The following THSD7B variants were observed in gnomAD, a reference collection of about 807,000 sequenced individuals.
THSD7B encodes thrombospondin type-1 domain-containing protein 7B.
THSD7B carries 138 observed loss-of-function variants against 213.6 expected under a neutral mutation model. That is an observed-to-expected ratio of 0.65 (90% CI 0.56 to 0.74). The LOEUF (loss-of-function observed/expected upper bound fraction) is 0.74, where lower values mean the gene tolerates loss of function less well. Ranked by LOEUF, THSD7B falls within the 30% of genes least tolerant of loss-of-function variation. THSD7B has a pLI of 0.00. For missense variants in THSD7B, 1,931 were observed against 1,991.5 expected, an observed-to-expected ratio of 0.97 and a Z score of 0.58; for synonymous variants, 742 against 687.0, an observed-to-expected ratio of 1.08 and a Z score of -1.25.
chr2:136,855,093 T>C (rs1683156483), intron 1 of THSD7B, among the ~76,000 whole-genome samples: 1 of 152,224 alleles, frequency 6.6e-6, no homozygotes, highest in South Asian at 2.1e-4. Context: ...GTCATGGAAC[T>C]GAGAATGCTT....
At chr2:137,366,300 T>C (rs1685406177) in intron 12 of THSD7B, among the ~76,000 whole-genome samples, 1 of 152,030 alleles carries the variant, frequency 6.6e-6, no homozygotes, top group African/African-American at 2.4e-5. Flanking sequence ...AAATAATGAG[T>C]TAATGGCTGC....
intron 1 of THSD7B, among the ~76,000 whole-genome samples, chr2:136,791,715 T>C (rs780101756): frequency 6.6e-6 from 1 of 152,112 alleles, no homozygotes; most frequent in Non-Finnish European, 1.5e-5. Context: ...TTCATGAATA[T>C]GTACCAGTAT....
chr2:137,274,109 G>A (rs1292714102), intron 11 of THSD7B, among the ~76,000 whole-genome samples: 1 of 151,946 alleles, frequency 6.6e-6, no homozygotes, highest in Non-Finnish European at 1.5e-5. Flanking sequence ...TGTATGAATT[G>A]GATCATTGTG....
intron 7 of THSD7B, among the ~76,000 whole-genome samples, chr2:137,200,247 A>G (rs1047431927): frequency 6.6e-6 from 1 of 152,072 alleles, no homozygotes; most frequent in African/African-American, 2.4e-5. Context: ...TCCCACCTCA[A>G]TTTGAGTATG....
intron 1 of THSD7B, among the ~76,000 whole-genome samples, chr2:136,796,517 C>T (rs1290677014): frequency 1.3e-5 from 2 of 151,914 alleles, no homozygotes; most frequent in Non-Finnish European, 2.9e-5. Context: ...CCACTTAAAA[C>T]CTTTTCAGAG....
At chr2:137,572,341 A>T (rs1681371533) in intron 16 of THSD7B, 65 bp from the exon 17 acceptor site, 1 of 1,562,486 alleles carries the variant, frequency 6.4e-7, no homozygotes, top group Non-Finnish European at 8.7e-7. Context: ...GATACATCAT[A>T]ACTATTTTAA....
At chr2:136,849,792 A>G (rs17663946) in intron 1 of THSD7B, among the ~76,000 whole-genome samples, 2,747 of 152,296 alleles carry the variant, frequency 0.018, 50 homozygotes, top group South Asian at 0.039. Context: ...TATTTTTGTT[A>G]CAGAATATTA....
chr2:137,554,201 G>C (rs1680905377), intron 15 of THSD7B, among the ~76,000 whole-genome samples: 1 of 152,086 alleles, frequency 6.6e-6, no homozygotes, highest in Admixed American at 6.5e-5. Flanking sequence ...GAGTGGGACT[G>C]TTTTCTCTAG....
rs141073860 is a variant in THSD7B at position 137,245,448 on chromosome 2, G to A, written c.2266+2876G>A. On this transcript the variant is annotated intron_variant, in intron 10 of 27. Coordinates refer to ENST00000409968, the MANE Select transcript of THSD7B (RefSeq NM_001316349.2). ...TGAGGTTGGCACTCCATTCTCTTCAGCTGCCCCTCCTTCCCGGGTCCTCAG... is the reference window on the plus strand; with the variant it reads ...TGAGGTTGGCACTCCATTCTCTTCAACTGCCCCTCCTTCCCGGGTCCTCAG... Among the ~76,000 whole-genome samples the A allele has an allele frequency of 3.1e-3, 466 of 152,230 alleles. 1 individual carries two copies. Among genetic ancestry groups the A allele is most frequent in the South Asian group, 5.6e-3 (27 of 4,814 alleles).
intron 17 of THSD7B, among the ~76,000 whole-genome samples, chr2:137,586,013 G>C (rs1359307042): frequency 6.7e-6 from 1 of 148,326 alleles, no homozygotes; most frequent in African/African-American, 2.5e-5. Context: ...TATGAATCTG[G>C]GTGCTCCTGT....
At chr2:137,625,505 T>G (rs1201690456) in intron 20 of THSD7B, among the ~76,000 whole-genome samples, 1 of 151,022 alleles carries the variant, frequency 6.6e-6, no homozygotes, top group African/African-American at 2.4e-5. Context: ...TAGGCCTGAA[T>G]AAATAAATGA....
At chr2:137,392,570 C>T (rs1349923206) in intron 12 of THSD7B, among the ~76,000 whole-genome samples, 1 of 151,936 alleles carries the variant, frequency 6.6e-6, no homozygotes, top group Admixed American at 6.6e-5. Context: ...CTACTCTGCT[C>T]CCTTCTGGTT....
At chr2:137,637,604 T>C (rs889595156) in intron 20 of THSD7B, among the ~76,000 whole-genome samples, 2 of 152,352 alleles carry the variant, frequency 1.3e-5, no homozygotes, top group South Asian at 4.1e-4. Flanking sequence ...AGAAACCATA[T>C]GGCTGTGCTT....
At chr2:137,090,033 A>T (rs975655291) in intron 3 of THSD7B, among the ~76,000 whole-genome samples, 1 of 151,910 alleles carries the variant, frequency 6.6e-6, no homozygotes, top group Non-Finnish European at 1.5e-5. Flanking sequence ...AGAAAAAAGA[A>T]AAAAGAACTT....
chr2:137,672,101 G>A (rs1351412654), intron 27 of THSD7B, among the ~76,000 whole-genome samples: 1 of 151,952 alleles, frequency 6.6e-6, no homozygotes, highest in Non-Finnish European at 1.5e-5. Flanking sequence ...AAGATTTATT[G>A]AGCAAATATA....
At chr2:137,436,274 T>C (rs1687288500) in intron 14 of THSD7B, among the ~76,000 whole-genome samples, 1 of 152,180 alleles carries the variant, frequency 6.6e-6, no homozygotes, top group South Asian at 2.1e-4. Context: ...TGCTATGTCT[T>C]TCTCTAAGTG....
chr2:137,673,605 G>A (rs1683627992), intron 27 of THSD7B, among the ~76,000 whole-genome samples: 1 of 152,168 alleles, frequency 6.6e-6, no homozygotes, highest in Non-Finnish European at 1.5e-5. Flanking sequence ...AGGGAGAAAG[G>A]AAAGCAAGCC....
At chr2:136,968,680 AC>A (rs1309595899) in intron 2 of THSD7B, among the ~76,000 whole-genome samples, 1 of 152,098 alleles carries the variant, frequency 6.6e-6, no homozygotes. Context: ...ATCCTGTCCT[AC>A]CCTGAAGTTA....
In THSD7B at chr2:137,232,724, AG is replaced by A. The variant is rs527314277; in HGVS notation, c.1916-173del. Among the ~76,000 whole-genome samples the A allele has an allele frequency of 8.5e-5, 13 of 152,302 alleles. No homozygotes were observed. In the East Asian group the frequency reaches 2.5e-3, roughly 29 times the overall value. On this transcript the variant is annotated intron_variant, in intron 8 of 27. Transcript: ENST00000409968. ...GAAAGGAGTGTACAATATTTTCCTC[AG>A]GTGTTGCTTGGGACAAAAATCCCTG...
Sources: allele counts gnomAD v4.1 joint callset (sites outside exome capture counted in the v4.1 genomes callset), GRCh38; gene constraint gnomAD v4.1.1; transcripts MANE v1.5; gene names NCBI Gene and HGNC (gene_info 2026-07-23, HGNC 2026-07-21).